The following GNL3L variants were observed in gnomAD, a reference collection of about 807,000 sequenced individuals.
GNL3L encodes the protein G protein nucleolar 3 like, also known as guanine nucleotide-binding protein-like 3-like protein.
A neutral mutation model predicts 42.9 loss-of-function variants in GNL3L; 4 were observed. That is an observed-to-expected ratio of 0.09 (90% CI 0.05 to 0.21). The LOEUF is 0.21. Ranked by LOEUF, GNL3L falls within the 10% of genes least tolerant of loss-of-function variation. GNL3L has a pLI of 1.00. For synonymous variants in GNL3L, 159 were observed against 176.3 expected, an observed-to-expected ratio of 0.90 and a Z score of 0.78; for missense variants, 412 against 481.7, an observed-to-expected ratio of 0.86 and a Z score of 1.36.
chrX:54,556,248 C>G (rs750223940), intron 14 of GNL3L, among the ~76,000 whole-genome samples: 2 of 111,152 alleles, frequency 1.8e-5, no homozygotes, highest in Admixed American at 9.6e-5. Flanking sequence ...AGGAAACTTA[C>G]AATCATGTCA....
At chrX:54,610,641 G>A (rs1487443207) in intron 16 of GNL3L, among the ~76,000 whole-genome samples, 1 of 111,663 alleles carries the variant, frequency 9.0e-6, no homozygotes, top group Admixed American at 9.5e-5. Flanking sequence ...TTCGTGTGGT[G>A]TATCACATTT....
At chrX:54,587,069 C>T (rs768942091) in intron 16 of GNL3L, among the ~76,000 whole-genome samples, 3 of 111,748 alleles carry the variant, frequency 2.7e-5, no homozygotes, top group South Asian at 3.8e-4. Context: ...CACTGCCCAA[C>T]GGTTTGAGAA....
At chrX:54,580,013 T>TA in intron 16 of GNL3L, among the ~76,000 whole-genome samples, 1 of 99,794 alleles carries the variant, frequency 1.0e-5, no homozygotes, top group South Asian at 4.5e-4. Context: ...TTTTTTTTTT[T>TA]ATACTTTAAG....
chrX:54,564,440 T>A lies in GNL3L; in HGVS notation c.*3838T>A, dbSNP rs1402678788. On this transcript the variant is annotated 3_prime_UTR_variant, in exon 16 of 16. Transcript: ENST00000360845. ...TTTTTTTTGAGACAGAGTCTAGCTC[T>A]GTTGTCCAGGCTGGAGTGGTGCAGT... Among the ~76,000 whole-genome samples, 3 of 97,675 alleles carry A rather than the reference T, an allele frequency of 3.1e-5. No homozygotes were observed. The highest frequency in any genetic ancestry group is 6.1e-5 in the Non-Finnish European group (3 of 49,342). The allele number at this position is 97,675 out of a possible 115,157, so 84.8% of individuals were successfully genotyped here. A position where few individuals can be genotyped will look rare whatever the true frequency, so the allele number is the denominator to read the frequency against.
chrX:54,604,071 G>A (rs764077919), intron 16 of GNL3L, among the ~76,000 whole-genome samples: 7 of 110,961 alleles, frequency 6.3e-5, no homozygotes, highest in Non-Finnish European at 1.1e-4. Context: ...TGGGGAGGTC[G>A]AGGCTACAAG....
At chrX:54,630,708 T>TTCTTTCTTTCTTTCTTTCTTTCTTTC in the GNL3L span, among the ~76,000 whole-genome samples, 236 of 58,639 alleles carry the variant, frequency 4.0e-3, 23 homozygotes, top group African/African-American at 8.8e-3. Context: ...CTTTCTTTCT[T>TTCTTTCTTTCTTTCTTTCTTTCTTTC]TTTCTTTCTT....
rs1018063688 is a variant in GNL3L, at chrX:54,567,229, C to T, written c.*6627C>T. On this transcript the variant is annotated 3_prime_UTR_variant, in exon 16 of 16. Coordinates refer to ENST00000360845, the MANE Select transcript of GNL3L (RefSeq NM_001184819.2). ...AGCTTTTTTTGCAGATTTAACCAGACTTTCTACATAGACAATCATATCTTC... is the reference window on the plus strand; with the variant it reads ...AGCTTTTTTTGCAGATTTAACCAGATTTTCTACATAGACAATCATATCTTC... Among the ~76,000 whole-genome samples, 1 of 111,774 alleles carries T rather than the reference C, an allele frequency of 8.9e-6. No individual in the cohort carries two copies. Among genetic ancestry groups the T allele is most frequent in the Non-Finnish European group, 1.9e-5 (1 of 53,176 alleles).
intron 13 of GNL3L, 117 bp downstream of exon 13, chrX:54,552,545 T>C: frequency 3.1e-6 from 2 of 636,726 alleles, no homozygotes; most frequent in South Asian, 3.3e-5. Flanking sequence ...TTTGGGCAAG[T>C]TGCTTAAGCA....
intron 16 of GNL3L, among the ~76,000 whole-genome samples, chrX:54,612,072 A>C (rs896893963): frequency 1.8e-5 from 2 of 111,815 alleles, no homozygotes; most frequent in African/African-American, 6.5e-5. Flanking sequence ...TCTTAGGTCT[A>C]TTAGTAATTG....
At chrX:54,533,426 G>A (rs1308208044) in intron 2 of GNL3L, among the ~76,000 whole-genome samples, 1 of 110,281 alleles carries the variant, frequency 9.1e-6, no homozygotes, top group Non-Finnish European at 1.9e-5. Context: ...ATAACATTTG[G>A]ATAGCACACT....
At chrX:54,546,833 A>G (rs1343409751) in intron 8 of GNL3L, among the ~76,000 whole-genome samples, 1 of 107,054 alleles carries the variant, frequency 9.3e-6, no homozygotes, top group Non-Finnish European at 1.9e-5. Flanking sequence ...TTTAGTAGAG[A>G]CAGGGTTTCA....
intron 16 of GNL3L, among the ~76,000 whole-genome samples, chrX:54,603,018 C>T (rs1357502942): frequency 9.0e-6 from 1 of 111,636 alleles, no homozygotes; most frequent in Non-Finnish European, 1.9e-5. Context: ...GTATTTTAAG[C>T]TGCTAATTTT....
rs943176703 is a variant in GNL3L at position 54,532,411 on chromosome X, C to A, written c.-47-109C>A. 6.1e-6 allele frequency: 3 copies of A among 491,322 alleles called. No individual in the cohort carries two copies. In the Admixed American group the frequency reaches 1.1e-4, roughly 17 times the overall value. 40.5% of individuals were successfully genotyped at this position (491,322 alleles called of 1,213,427 possible). On this transcript the variant is annotated intron_variant, in intron 1 of 15. Transcript: ENST00000360845. The stretch of plus-strand genomic sequence containing the variant: ...TCTCCCAGTTTTCCTAATTATTACG[C>A]CTTCCTCATAATGTTCTTTAACATT...
At chrX:54,607,082 C>CTTCTTCT (rs1557200533) in intron 16 of GNL3L, among the ~76,000 whole-genome samples, 1 of 21,976 alleles carries the variant, frequency 4.6e-5, no homozygotes, top group African/African-American at 1.2e-4. Flanking sequence ...CTCTTTCTTT[C>CTTCTTCT]TTCTTTCTTT....
Position 54,591,212 on chromosome X carries a change from T to C in GNL3L, c.*46-29633T>C, listed in dbSNP as rs150592848. On this transcript the variant is annotated intron_variant, in intron 16 of 16. Coordinates refer to the GNL3L transcript ENST00000674498. The stretch of plus-strand genomic sequence containing the variant: ...AGATTGGGGCCCAGTTTCATTCTTC[T>C]TCATATGGATATCCAGTTTTCCCAG... 7.6e-3 allele frequency among the ~76,000 whole-genome samples: 847 copies of C among 111,171 alleles called. 16 individuals are homozygous for C. Among genetic ancestry groups the C allele is most frequent in the Admixed American group, 0.063 (657 of 10,369 alleles).
chrX:54,598,679 G>C (rs1925966959), intron 16 of GNL3L, among the ~76,000 whole-genome samples: 2 of 111,352 alleles, frequency 1.8e-5, no homozygotes, highest in South Asian at 7.5e-4. Context: ...AATATAAGTA[G>C]AGACATATAA....
chrX:54,560,232 G>T (rs749429827), intron 15 of GNL3L, among the ~76,000 whole-genome samples: 1 of 111,995 alleles, frequency 8.9e-6, no homozygotes, highest in African/African-American at 3.2e-5. Flanking sequence ...CATAGTAAAA[G>T]AAAATTATTG....
chrX:54,577,913 T>G (rs1399301610), intron 16 of GNL3L, among the ~76,000 whole-genome samples: 1 of 110,872 alleles, frequency 9.0e-6, no homozygotes, highest in Non-Finnish European at 1.9e-5. Context: ...GGCTAATTTT[T>G]TGTATTTTTA....
At chrX:54,555,350 T>A (rs1324807431) in intron 14 of GNL3L, among the ~76,000 whole-genome samples, 2 of 111,184 alleles carry the variant, frequency 1.8e-5, no homozygotes, top group Admixed American at 1.9e-4. Context: ...AAGACCTATG[T>A]CTTCTCCCTC....
Sources: gnomAD v4.1 joint callset for allele counts (sites outside exome capture counted in the v4.1 genomes callset) on GRCh38, gnomAD v4.1.1 for gene constraint, MANE v1.5 for transcripts, NCBI Gene and HGNC (gene_info 2026-07-23, HGNC 2026-07-21) for gene names.